RBFOX3: variants seen among roughly 807,000 people sequenced by gnomAD.
RBFOX3 encodes RNA binding protein fox-1 homolog 3.
A neutral mutation model predicts 48.7 loss-of-function variants in RBFOX3; 17 were observed. The observed-to-expected ratio is 0.35, with a 90% CI of 0.24 to 0.52. RBFOX3 has a LOEUF of 0.52. RBFOX3 is among the 20% of genes least tolerant of loss of function. The pLI is 0.94. For synonymous variants in RBFOX3, 212 were observed against 209.5 expected, an observed-to-expected ratio of 1.01 and a Z score of -0.10; for missense variants, 382 against 497.5, an observed-to-expected ratio of 0.77 and a Z score of 2.21.
At chr17:79,360,513 T>G (rs1158796570) in intron 2 of RBFOX3, among the ~76,000 whole-genome samples, 3 of 152,174 alleles carry the variant, frequency 2.0e-5, no homozygotes, top group African/African-American at 7.2e-5. Flanking sequence ...TTCTTGACAC[T>G]CCATCCTCAT....
At chr17:79,280,155 A>ACG (rs1386603877) in intron 3 of RBFOX3, among the ~76,000 whole-genome samples, 2 of 127,266 alleles carry the variant, frequency 1.6e-5, no homozygotes, top group African/African-American at 5.5e-5. Context: ...GTGCGTGCAC[A>ACG]CACACACGCA....
intron 1 of RBFOX3, among the ~76,000 whole-genome samples, chr17:79,547,019 A>G (rs1482890136): frequency 2.0e-5 from 3 of 152,152 alleles, no homozygotes; most frequent in South Asian, 4.2e-4. Context: ...CTGCTCAGGG[A>G]CGAAAAGGGA....
At position 79,275,123 on chromosome 17, in the gene RBFOX3, C is replaced by CCTCTCTCTCTCT. The variant is rs368963249; in HGVS notation, c.-74+32589_-74+32600dup. 7.4e-3 allele frequency among the ~76,000 whole-genome samples: 965 copies of CCTCTCTCTCTCT among 130,540 alleles called. 9 individuals are homozygous for CCTCTCTCTCTCT. Among genetic ancestry groups the CCTCTCTCTCTCT allele is most frequent in the African/African-American group, 0.02 (663 of 33,746 alleles). The allele number at this position is 130,540 out of a possible 152,430, so 85.6% of individuals were successfully genotyped here. On this transcript the variant is annotated intron_variant, in intron 3 of 14. Transcript: ENST00000693108. Reference sequence around the variant, plus strand: ...CTCTCTGCCTCTCTCTCCATGTCTCCCTCTCTCTCTCTCTCTCTCTCTCTC... The same window carrying CCTCTCTCTCTCT: ...CTCTCTGCCTCTCTCTCCATGTCTCCCTCTCTCTCTCTCTCTCTCTCTCTCTCTCTCTCTCTC...
chr17:79,395,993 C>T (rs891081392), intron 2 of RBFOX3, among the ~76,000 whole-genome samples: 3 of 152,216 alleles, frequency 2.0e-5, no homozygotes, highest in Non-Finnish European at 2.9e-5. Context: ...CACTGGTTTC[C>T]GTTCCAGGAT....
At chr17:79,375,568 A>G (rs1176400288) in intron 2 of RBFOX3, among the ~76,000 whole-genome samples, 1 of 152,174 alleles carries the variant, frequency 6.6e-6, no homozygotes, top group Non-Finnish European at 1.5e-5. Context: ...CCTTGTTGCC[A>G]TCTCAACTCA....
At chr17:79,356,377 T>TTTTC (rs2085116747) in intron 2 of RBFOX3, among the ~76,000 whole-genome samples, 1 of 103,868 alleles carries the variant, frequency 9.6e-6, no homozygotes, top group African/African-American at 3.9e-5. Flanking sequence ...TTTTTTTTTT[T>TTTTC]TTTTTTTTTG....
At chr17:79,572,378 G>A (rs1362886839) in intron 1 of RBFOX3, among the ~76,000 whole-genome samples, 2 of 152,172 alleles carry the variant, frequency 1.3e-5, no homozygotes, top group African/African-American at 4.8e-5. Flanking sequence ...CTGTGTCCAG[G>A]AGCTCATTGT....
rs534662714 is a variant in RBFOX3 at position 79,142,621 on chromosome 17, G to T, written c.-33-26873C>A. On this transcript the variant is annotated intron_variant, in intron 4 of 14. Transcript: ENST00000693108. The stretch of plus-strand genomic sequence containing the variant: ...GGGTGTGTGGAGGTGGGGAGGGGCT[G>T]GATGGTGGAGAGTCTGTCTTCTCCA... 3.3e-5 allele frequency among the ~76,000 whole-genome samples: 5 copies of T among 152,236 alleles called. No homozygotes were observed. In the East Asian group the frequency reaches 9.7e-4, roughly 30 times the overall value.
At chr17:79,469,427 C>T (rs1314524005) in intron 2 of RBFOX3, among the ~76,000 whole-genome samples, 1 of 152,170 alleles carries the variant, frequency 6.6e-6, no homozygotes, top group Non-Finnish European at 1.5e-5. Context: ...GTGGAGAGGA[C>T]CCCACTCCAC....
At chr17:79,210,632 G>A (rs1400792848) in intron 4 of RBFOX3, among the ~76,000 whole-genome samples, 1 of 152,248 alleles carries the variant, frequency 6.6e-6, no homozygotes, top group Non-Finnish European at 1.5e-5. Flanking sequence ...GCGGGATTAT[G>A]GAATTGAAGG....
chr17:79,181,041 T>G lies in RBFOX3; in HGVS notation c.-34+54725A>C, dbSNP rs76209798. 5.2e-3 allele frequency among the ~76,000 whole-genome samples: 789 copies of G among 152,328 alleles called. 6 individuals are homozygous for G. Among genetic ancestry groups the G allele is most frequent in the African/African-American group, 0.018 (755 of 41,580 alleles). ...GTGGACTCACCCCAACTATGAGCGC[T>G]GGTCTAATTCTACCGAGACAGCGCC... is the stretch of plus-strand genomic sequence containing the variant. On this transcript the variant is annotated intron_variant, in intron 4 of 14. Coordinates refer to ENST00000693108, the MANE Select transcript of RBFOX3 (RefSeq NM_001350451.2).
At chr17:79,626,173 G>T in the RBFOX3 span, among the ~76,000 whole-genome samples, 1 of 152,176 alleles carries the variant, frequency 6.6e-6, no homozygotes, top group Non-Finnish European at 1.5e-5. Flanking sequence ...GCAAGGAGAT[G>T]CAGGGAGGCC....
At chr17:79,172,696 A>G (rs1295497221) in intron 4 of RBFOX3, among the ~76,000 whole-genome samples, 2 of 152,206 alleles carry the variant, frequency 1.3e-5, no homozygotes, top group Non-Finnish European at 2.9e-5. Flanking sequence ...CAGGAGACCC[A>G]TATGACTATG....
rs575323624 is a variant in RBFOX3 at position 79,201,973 on chromosome 17, C to T, written c.-34+33793G>A. Among the ~76,000 whole-genome samples, 26 of 152,336 alleles carry T rather than the reference C, an allele frequency of 1.7e-4. No individual in the cohort carries two copies. In the South Asian group the frequency reaches 5.0e-3, roughly 29 times the overall value. On this transcript the variant is annotated intron_variant, in intron 4 of 14. Coordinates refer to ENST00000693108, the MANE Select transcript of RBFOX3 (RefSeq NM_001350451.2). ...TCATGCTGACACCACCTTCTCTCTACAGTTACTGTCTCATCCTCCTCCTCC... is the reference window on the plus strand; with the variant it reads ...TCATGCTGACACCACCTTCTCTCTATAGTTACTGTCTCATCCTCCTCCTCC...
At chr17:79,167,146 A>G (rs1435637322) in intron 4 of RBFOX3, among the ~76,000 whole-genome samples, 1 of 152,176 alleles carries the variant, frequency 6.6e-6, no homozygotes, top group African/African-American at 2.4e-5. Context: ...AAATGGGAAG[A>G]TCGATCATAT....
At chr17:79,353,838 A>C (rs1479640103) in intron 2 of RBFOX3, among the ~76,000 whole-genome samples, 1 of 152,068 alleles carries the variant, frequency 6.6e-6, no homozygotes, top group Admixed American at 6.5e-5. Flanking sequence ...CCCCAGGCGA[A>C]CCTTGCACTG....
Position 79,541,566 on chromosome 17 carries a change from G to A in RBFOX3, c.-319-58968C>T, listed in dbSNP as rs147002268. Among the ~76,000 whole-genome samples the A allele has an allele frequency of 1.9e-3, 290 of 152,320 alleles. 1 individual carries two copies. The highest frequency in any genetic ancestry group is 6.7e-3 in the African/African-American group (280 of 41,550). Reference sequence around the variant, plus strand: ...CTCCAGGGACCTAAAGCCAAGAACAGCGGAAGGGACACGGCTTCTCCCCTT... The same window carrying A: ...CTCCAGGGACCTAAAGCCAAGAACAACGGAAGGGACACGGCTTCTCCCCTT... On this transcript the variant is annotated intron_variant, in intron 1 of 14. Coordinates refer to ENST00000693108, the MANE Select transcript of RBFOX3 (RefSeq NM_001350451.2).
chr17:79,152,890 C>T (rs966429627), intron 4 of RBFOX3, among the ~76,000 whole-genome samples: 8 of 152,206 alleles, frequency 5.3e-5, no homozygotes, highest in African/African-American at 1.7e-4. Flanking sequence ...TGCTTTCTTG[C>T]GGGTGTTTAC....
At chr17:79,190,414 C>CA (rs71161650) in intron 4 of RBFOX3, among the ~76,000 whole-genome samples, 12,225 of 93,286 alleles carry the variant, frequency 0.13, 1,293 homozygotes, top group African/African-American at 0.3. Flanking sequence ...TCTGTCTCAC[C>CA]AAAAAAAAAA....
Sources: allele counts gnomAD v4.1 joint callset (sites outside exome capture counted in the v4.1 genomes callset), GRCh38; gene constraint gnomAD v4.1.1; transcripts MANE v1.5; gene names NCBI Gene and HGNC (gene_info 2026-07-23, HGNC 2026-07-21).